LCT: variants seen among roughly 807,000 people sequenced by gnomAD.
LCT encodes the protein lactase/phlorizin hydrolase.
Under a neutral mutation model 173.0 loss-of-function variants are expected in LCT, and 90 were observed. The observed-to-expected ratio is 0.52, with a 90% CI of 0.44 to 0.62. The LOEUF (loss-of-function observed/expected upper bound fraction) is 0.62, where lower values mean the gene tolerates loss of function less well. Ranked by LOEUF, LCT falls within the 20% of genes least tolerant of loss-of-function variation. LCT has a pLI of 0.00. For missense variants in LCT, 1,864 were observed against 2,431.4 expected (o/e 0.77, Z 4.91); for synonymous variants, 853 against 957.6 (o/e 0.89, Z 2.02).
At chr2:135,795,604 C>CTAATAATTATAA (rs57023267) in intron 13 of LCT, among the ~76,000 whole-genome samples, 5,593 of 146,006 alleles carry the variant, frequency 0.038, 170 homozygotes, top group South Asian at 0.13. Context: ...TTCTCCAACT[C>CTAATAATTATAA]TAATAATAAT....
In LCT at chr2:135,816,670, C is replaced by T. The variant is rs191265922; in HGVS notation, c.1707+671G>A. On this transcript the variant is annotated intron_variant, in intron 6 of 16. Coordinates refer to ENST00000264162, the MANE Select transcript of LCT (RefSeq NM_002299.4). ...TGAGCTTTCTGTCACTTGTCACTGA[C>T]ATGAGGAACTTGATTTGGAGTCAAG... Among the ~76,000 whole-genome samples, 250 of 152,276 alleles carry T rather than the reference C, an allele frequency of 1.6e-3. 3 individuals are homozygous for T. Among genetic ancestry groups the T allele is most frequent in the African/African-American group, 5.8e-3 (242 of 41,546 alleles).
chr2:135,830,124 C>A (rs918244203), intron 2 of LCT, among the ~76,000 whole-genome samples: 2 of 152,072 alleles, frequency 1.3e-5, no homozygotes, highest in African/African-American at 4.8e-5. Flanking sequence ...TGAATCCTAC[C>A]GGGTGTTTGG....
At chr2:135,806,957 G>T (rs1474790037) in intron 9 of LCT, among the ~76,000 whole-genome samples, 171 bp downstream of exon 9, 6 of 152,176 alleles carry the variant, frequency 3.9e-5, no homozygotes, top group Non-Finnish European at 8.8e-5. Flanking sequence ...TAAATTTGGG[G>T]GTGTGAAGAA....
At position 135,833,199 on chromosome 2, in the gene LCT, A is replaced by G. The variant is rs758245600; in HGVS notation, c.641-9T>C. 8.1e-6 allele frequency: 13 copies of G among 1,610,982 alleles called. No homozygotes were observed. The highest frequency in any genetic ancestry group is 9.3e-6 in the Non-Finnish European group (11 of 1,177,410). On this transcript the variant is annotated splice_polypyrimidine_tract_variant and intron_variant, in intron 1 of 16. Coordinates refer to ENST00000264162, the MANE Select transcript of LCT (RefSeq NM_002299.4). ...AACAGAGAGTTTTCCGCCTGAAACC[A>G]ACCAGAGACACGAACAGCAGGTGAG...
chr2:135,799,694 C>G (rs2077609734), intron 12 of LCT, among the ~76,000 whole-genome samples: 1 of 152,232 alleles, frequency 6.6e-6, no homozygotes, highest in African/African-American at 2.4e-5. Context: ...AGGTTATCAG[C>G]CTGCCTTAGC....
chr2:135,804,247 G>A, intron 10 of LCT, 119 bp from the exon 11 acceptor site: 1 of 824,636 alleles, frequency 1.2e-6, no homozygotes, highest in Non-Finnish European at 2.0e-6. Flanking sequence ...AGACAAAAAG[G>A]CTCAAAGATT....
Position 135,836,867 on chromosome 2 carries a change from G to A in LCT, c.303C>T (p.Ser101=), listed in dbSNP as rs1432513639. 3 of 1,614,084 alleles carry A rather than the reference G, an allele frequency of 1.9e-6. No individual in the cohort carries two copies. The highest frequency in any genetic ancestry group is 1.1e-5 in the South Asian group (1 of 91,090). The change falls in exon 1 of 17, where the codon AGC becomes AGT. Residue 101 remains serine, a synonymous_variant. Transcript: ENST00000264162. ...CTGTTTTCTCGTCTGGATTCTGGGT[G>A]CTTCCTGCTGGGAGGAGCTGTGCCC... is the stretch of plus-strand genomic sequence containing the variant. ...LSWAQLLPAG[S]TQNPDEKTVQ... is the part of the protein sequence containing the mutation.
chr2:135,793,518 G>A (rs1250830093), intron 14 of LCT, among the ~76,000 whole-genome samples: 2 of 152,192 alleles, frequency 1.3e-5, no homozygotes, highest in Non-Finnish European at 1.5e-5. Context: ...CTACCTGAAT[G>A]AGAAGGAACC....
Position 135,804,039 on chromosome 2 carries a change from A to G in LCT, c.4554T>C (p.Tyr1518=). Residue 1518 remains tyrosine, a synonymous_variant, in exon 11 of 17, where the codon TAT becomes TAC. Transcript: ENST00000264162. ...NETIVQRFKE[Y]ADVLFQRLGD... ...CCAGCCTCTGGAAGAGCACATCTGC[A>G]TACTCCTTAAACCGCTGCACGATGG... 6.2e-7 allele frequency: 1 copy of G among 1,614,098 alleles called. No homozygotes were observed. Among genetic ancestry groups the G allele is most frequent in the Non-Finnish European group, 8.5e-7 (1 of 1,179,962 alleles).
chr2:135,793,098 T>G (rs1055038582), intron 14 of LCT, among the ~76,000 whole-genome samples: 3 of 152,174 alleles, frequency 2.0e-5, no homozygotes, highest in South Asian at 2.1e-4. Context: ...GCCTGCAACA[T>G]CCTGGCTAAC....
intron 1 of LCT, among the ~76,000 whole-genome samples, chr2:135,834,465 G>A (rs1397900108): frequency 1.3e-5 from 2 of 148,496 alleles, no homozygotes; most frequent in African/African-American, 5.0e-5. Flanking sequence ...GATTACAAGC[G>A]TGAACCACCA....
At chr2:135,815,899 A>G (rs1427361154) in intron 6 of LCT, among the ~76,000 whole-genome samples, 1 of 152,062 alleles carries the variant, frequency 6.6e-6, no homozygotes, top group Admixed American at 6.5e-5. Flanking sequence ...GGATTTCACC[A>G]TGTTGGCCAG....
chr2:135,829,605 C>CTGCCGCAAATTACCTGCA lies in LCT; in HGVS notation c.791_792insTGCAGGTAATTTGCGGCA (p.Leu264_Ser265insAlaGlyAsnLeuArgGln), dbSNP rs751218448. On this transcript the variant is annotated inframe_insertion, in exon 3 of 17. Coordinates refer to ENST00000264162, the MANE Select transcript of LCT (RefSeq NM_002299.4). ...GGGCTCAAATTACCTGCAATTTACT[C>CTGCCGCAAATTACCTGCA]AGCTTCTGCCGCAGACTTGCCTCAT... The CTGCCGCAAATTACCTGCA allele has an allele frequency of 1.2e-5, 19 of 1,613,050 alleles. No homozygotes were observed. The African/African-American group carries it at 2.5e-4, about 22-fold the overall frequency.
At chr2:135,812,165 G>A in intron 7 of LCT, 146 bp downstream of exon 7, 1 of 742,618 alleles carries the variant, frequency 1.3e-6, no homozygotes. Flanking sequence ...AAGAGAGTTA[G>A]GGAGCTGACG....
chr2:135,825,828 G>A (rs955344413), intron 3 of LCT, among the ~76,000 whole-genome samples: 4 of 152,158 alleles, frequency 2.6e-5, no homozygotes, highest in Non-Finnish European at 4.4e-5. Context: ...CTCTTCCCTC[G>A]CAGCCCACAG....
At chr2:135,813,004 T>C (rs778681059) in intron 6 of LCT, 48 bp from the exon 7 acceptor site, 4 of 1,537,202 alleles carry the variant, frequency 2.6e-6, no homozygotes, top group Non-Finnish European at 3.6e-6. Context: ...ATAATAACAA[T>C]GACAACAACA....
At chr2:135,824,992 CAAAA>C (rs5834449) in intron 3 of LCT, among the ~76,000 whole-genome samples, 7 of 110,160 alleles carry the variant, frequency 6.4e-5, no homozygotes, top group Admixed American at 1.8e-4. Flanking sequence ...GGCTCCATCT[CAAAA>C]AAAAAAAAAA....
At chr2:135,823,102 CTAGAG>C (rs1246476645) in intron 4 of LCT, 1 of 152,766 alleles carries the variant, frequency 6.5e-6, no homozygotes, top group East Asian at 1.9e-4. Flanking sequence ...ATTACGCAGT[CTAGAG>C]TATTCTATTA....
intron 13 of LCT, among the ~76,000 whole-genome samples, chr2:135,797,744 A>C (rs1042618928): frequency 6.6e-5 from 10 of 152,128 alleles, no homozygotes; most frequent in African/African-American, 2.4e-4. Flanking sequence ...CGGTGATGAA[A>C]TAGGATAGGA....
Sources: gnomAD v4.1 joint callset for allele counts (sites outside exome capture counted in the v4.1 genomes callset) on GRCh38, gnomAD v4.1.1 for gene constraint, MANE v1.5 for transcripts, NCBI Gene and HGNC (gene_info 2026-07-23, HGNC 2026-07-21) for gene names.